The following RANBP2 variants were observed in gnomAD, a reference collection of about 807,000 sequenced individuals.
The protein encoded by RANBP2 is E3 SUMO-protein ligase RanBP2.
In RANBP2, 57 loss-of-function variants were observed where a neutral mutation model predicts 303.6. The ratio of observed to expected loss-of-function variants is 0.19; its 90% CI spans 0.15 to 0.23. RANBP2 has a LOEUF of 0.23. Ranked by LOEUF, RANBP2 falls within the 10% of genes least tolerant of loss-of-function variation. The pLI, the probability that RANBP2 is intolerant of heterozygous loss-of-function variation, is 1.00. For synonymous variants in RANBP2, 1,167 were observed against 1,301.5 expected (o/e 0.90, Z 2.23); for missense variants, 3,138 against 3,780.8 (o/e 0.83, Z 4.46).
In RANBP2 at chr2:108,782,329, A is replaced by T. The variant is rs1458044963; in HGVS notation, c.8962A>T (p.Thr2988Ser). Residue 2988 changes from threonine (T) to serine (S), a missense_variant, in exon 27 of 29, where the codon ACT becomes TCT. Physicochemically the swap from Thr to Ser is moderately conservative, Grantham distance 58 (BLOSUM62 1). Coordinates refer to ENST00000283195, the MANE Select transcript of RANBP2 (RefSeq NM_006267.5). ...TAAAGTGTGTGCAAACCACGTTATT[A>T]CTAAAACAATGGAATTAAAGCCCTT... is the stretch of plus-strand genomic sequence containing the variant. The part of the protein sequence containing the change: ...VFKVCANHVI[T>S]KTMELKPLNV... 6.2e-7 allele frequency: 1 copy of T among 1,614,232 alleles called. No homozygotes were observed. Among genetic ancestry groups the T allele is most frequent in the Admixed American group, 1.7e-5 (1 of 60,032 alleles).
chr2:109,058,210 C>A, the RANBP2 span, among the ~76,000 whole-genome samples: 2 of 152,220 alleles, frequency 1.3e-5, no homozygotes, highest in African/African-American at 4.8e-5. Context: ...TCTGCTCCAG[C>A]CCCTTCTCTC....
At chr2:109,667,183 C>A in the RANBP2 span, 2 of 1,323,774 alleles carry the variant, frequency 1.5e-6, no homozygotes, top group South Asian at 1.2e-5. Flanking sequence ...ATTCCAAAAG[C>A]CTTGCAGAAA....
chr2:109,137,793 A>C, the RANBP2 span, among the ~76,000 whole-genome samples: 1 of 152,218 alleles, frequency 6.6e-6, no homozygotes, highest in Non-Finnish European at 1.5e-5. Context: ...TAATCGGTTA[A>C]TCCTCCAAGC....
the RANBP2 span, among the ~76,000 whole-genome samples, chr2:109,428,227 A>T: frequency 6.6e-6 from 1 of 152,250 alleles, no homozygotes; most frequent in Non-Finnish European, 1.5e-5. Context: ...ATTTTAGAAG[A>T]CGTATGAGCA....
At chr2:109,360,321 A>G in the RANBP2 span, among the ~76,000 whole-genome samples, 1 of 152,352 alleles carries the variant, frequency 6.6e-6, no homozygotes, top group Non-Finnish European at 1.5e-5. Context: ...TAGCATATAA[A>G]TCCAGAGTCA....
chr2:109,317,568 C>G, the RANBP2 span, among the ~76,000 whole-genome samples: 1 of 152,166 alleles, frequency 6.6e-6, no homozygotes, highest in African/African-American at 2.4e-5. Context: ...ATCTCTTTCC[C>G]TGCTCCTTCT....
the RANBP2 span, among the ~76,000 whole-genome samples, chr2:109,594,419 G>C: frequency 5.9e-5 from 9 of 152,184 alleles, no homozygotes; most frequent in East Asian, 1.7e-3. Flanking sequence ...TGTCTAAGCA[G>C]GCCTCCTTTG....
At chr2:109,422,168 A>T in the RANBP2 span, among the ~76,000 whole-genome samples, 1 of 152,212 alleles carries the variant, frequency 6.6e-6, no homozygotes, top group Admixed American at 6.5e-5. Flanking sequence ...TGAACATGAG[A>T]TGTGCTGTCG....
At chr2:109,273,628 C>G in the RANBP2 span, among the ~76,000 whole-genome samples, 1 of 152,188 alleles carries the variant, frequency 6.6e-6, no homozygotes, top group Non-Finnish European at 1.5e-5. Context: ...TCTGCTAGAG[C>G]TTATGGCTTC....
intron 4 of RANBP2, among the ~76,000 whole-genome samples, chr2:108,733,257 CTTTTTTTTTTT>C (rs34665362): frequency 4.7e-5 from 4 of 85,022 alleles, no homozygotes; most frequent in East Asian, 4.9e-4. Context: ...TAACCATTCC[CTTTTTTTTTTT>C]TTTTTTTTTT....
chr2:109,108,656 G>T, the RANBP2 span, among the ~76,000 whole-genome samples: 1 of 152,202 alleles, frequency 6.6e-6, no homozygotes, highest in Non-Finnish European at 1.5e-5. Context: ...ACAGGATAAA[G>T]AATTCTGGGA....
the RANBP2 span, among the ~76,000 whole-genome samples, chr2:108,852,020 T>C: frequency 6.6e-6 from 1 of 152,176 alleles, no homozygotes. Flanking sequence ...ATTTTATGAC[T>C]ACCTAAGAGC....
the RANBP2 span, among the ~76,000 whole-genome samples, chr2:109,401,016 C>T: frequency 6.6e-6 from 1 of 152,320 alleles, no homozygotes; most frequent in East Asian, 1.9e-4. Context: ...GACCCAGTGG[C>T]GGACCAGTGT....
At chr2:109,728,446 T>A in the RANBP2 span, among the ~76,000 whole-genome samples, 2 of 152,128 alleles carry the variant, frequency 1.3e-5, no homozygotes, top group Non-Finnish European at 2.9e-5. Flanking sequence ...TTTTTTATTT[T>A]TAAAAAATTT....
At chr2:109,366,680 C>T in the RANBP2 span, among the ~76,000 whole-genome samples, 1 of 152,218 alleles carries the variant, frequency 6.6e-6, no homozygotes, top group East Asian at 1.9e-4. Flanking sequence ...GAGACCTTGT[C>T]TCTACAAATA....
the RANBP2 span, chr2:109,129,866 C>A: frequency 6.6e-7 from 1 of 1,525,186 alleles, no homozygotes. Context: ...GACGAACTGC[C>A]CGCCAACATC....
the RANBP2 span, among the ~76,000 whole-genome samples, chr2:109,609,461 C>T: frequency 6.6e-6 from 1 of 151,870 alleles, no homozygotes; most frequent in South Asian, 2.1e-4. Context: ...TGCAAGGTAG[C>T]ATATGACCAA....
chr2:109,223,581 A>G, the RANBP2 span, among the ~76,000 whole-genome samples: 1 of 152,012 alleles, frequency 6.6e-6, no homozygotes, highest in African/African-American at 2.4e-5. Flanking sequence ...GCTCCATTCA[A>G]GCATCGGTGG....
chr2:109,712,576 C>T, the RANBP2 span, among the ~76,000 whole-genome samples: 15 of 152,014 alleles, frequency 9.9e-5, no homozygotes, highest in Non-Finnish European at 2.2e-4. Flanking sequence ...GGATTACAGG[C>T]GTGTGCCACA....
Sources: allele counts gnomAD v4.1 joint callset (sites outside exome capture counted in the v4.1 genomes callset), GRCh38; gene constraint gnomAD v4.1.1; transcripts MANE v1.5; gene names NCBI Gene and HGNC (gene_info 2026-07-23, HGNC 2026-07-21).